The following ATXN7L1 variants were observed in gnomAD, a reference collection of about 807,000 sequenced individuals.
The protein encoded by ATXN7L1 is ataxin-7-like protein 1.
A neutral mutation model predicts 70.8 loss-of-function variants in ATXN7L1; 15 were observed. The ratio of observed to expected loss-of-function variants is 0.21; its 90% CI spans 0.14 to 0.33. The LOEUF (loss-of-function observed/expected upper bound fraction) is 0.33. Among genes scored for constraint, ATXN7L1 ranks in the 10% least tolerant of loss-of-function variants. ATXN7L1 has a pLI of 1.00. For missense variants in ATXN7L1, 975 were observed against 1,097.1 expected, an observed-to-expected ratio of 0.89 and a Z score of 1.57; for synonymous variants, 440 against 445.1, an observed-to-expected ratio of 0.99 and a Z score of 0.14.
intron 3 of ATXN7L1, among the ~76,000 whole-genome samples, chr7:105,787,648 A>C (rs1804503842): frequency 6.6e-6 from 1 of 152,208 alleles, no homozygotes; most frequent in Non-Finnish European, 1.5e-5. Flanking sequence ...AGGTGGGGAA[A>C]AGTCAGAAAT....
intron 3 of ATXN7L1, among the ~76,000 whole-genome samples, chr7:105,743,126 T>A (rs530328192): frequency 6.6e-6 from 1 of 152,316 alleles, no homozygotes; most frequent in African/African-American, 2.4e-5. Context: ...GCTTCTGTAA[T>A]TGATTTATAT....
Position 105,606,350 on chromosome 7 carries a change from A to G in ATXN7L1, c.*1502T>C, listed in dbSNP as rs1792765390. 1 of 152,164 alleles carries G rather than the reference A, an allele frequency of 6.6e-6. No homozygotes were observed. Among genetic ancestry groups the G allele is most frequent in the South Asian group, 2.1e-4 (1 of 4,832 alleles). The allele number at this position is 152,164 out of a possible 1,614,324, so 9.4% of individuals were successfully genotyped here. On this transcript the variant is annotated 3_prime_UTR_variant, in exon 12 of 12. Coordinates refer to ENST00000419735, the MANE Select transcript of ATXN7L1 (RefSeq NM_020725.2). ...CAATTGTGTGGTGAAACTTAACAGT[A>G]GTCTGATCTTTGGGTTGGGGGAACG...
rs1236385109 is a variant in ATXN7L1 at position 105,796,737 on chromosome 7, CA to C, written c.251-8030del. ...ATTTATTAATTTTTCTTTTTGCTATCAGAGTTTTCAGTTGCATTTTAATCAC... is the reference window on the plus strand; with the variant it reads ...ATTTATTAATTTTTCTTTTTGCTATCGAGTTTTCAGTTGCATTTTAATCAC... On this transcript the variant is annotated intron_variant, in intron 2 of 11. Transcript: ENST00000419735. 6.6e-5 allele frequency among the ~76,000 whole-genome samples: 10 copies of C among 152,280 alleles called. No individual in the cohort carries two copies. The Middle Eastern group carries it at 0.014, about 207-fold the overall frequency.
rs1804516477 is a variant in ATXN7L1 at position 105,787,712 on chromosome 7, T to C, written c.355+892A>G. ...TAATTTGCAAAAGCATATTCAATAT[T>C]ATAATTGCTTTGACTTTTTTTAGGC... On this transcript the variant is annotated intron_variant, in intron 3 of 11. Coordinates refer to ENST00000419735, the MANE Select transcript of ATXN7L1 (RefSeq NM_020725.2). 4.6e-5 allele frequency among the ~76,000 whole-genome samples: 7 copies of C among 152,332 alleles called. 1 individual carries two copies. In the South Asian group the frequency reaches 1.4e-3, roughly 32 times the overall value.
chr7:105,664,817 T>C (rs921265682), intron 4 of ATXN7L1, among the ~76,000 whole-genome samples: 9 of 152,064 alleles, frequency 5.9e-5, no homozygotes, highest in Admixed American at 2.0e-4. Flanking sequence ...TCTACCCACC[T>C]CAGCCTCCCA....
At chr7:105,647,312 C>T (rs1799190430) in intron 4 of ATXN7L1, among the ~76,000 whole-genome samples, 1 of 152,168 alleles carries the variant, frequency 6.6e-6, no homozygotes, top group African/African-American at 2.4e-5. Flanking sequence ...GATATGATGC[C>T]TGGGATAGAA....
intron 5 of ATXN7L1, among the ~76,000 whole-genome samples, chr7:105,640,976 ACTGT>A (rs1258842312): frequency 1.3e-5 from 2 of 152,210 alleles, no homozygotes; most frequent in African/African-American, 2.4e-5. Context: ...TAGCTGGAAA[ACTGT>A]CTGAAATTGG....
intron 3 of ATXN7L1, among the ~76,000 whole-genome samples, chr7:105,778,529 A>AACAAAAAAAAAAAAAAAAAAAAAAAAAAC (rs1554460026): frequency 7.0e-6 from 1 of 141,916 alleles, no homozygotes; most frequent in Non-Finnish European, 1.5e-5. Context: ...AAAAAAAAAA[A>AACAAAAAAAAAAAAAAAAAAAAAAAAAAC]AAAAAACAAA....
intron 9 of ATXN7L1, among the ~76,000 whole-genome samples, chr7:105,618,462 C>A (rs919938407): frequency 2.6e-5 from 4 of 152,132 alleles, no homozygotes; most frequent in African/African-American, 9.7e-5. Flanking sequence ...ACTAAGTCTG[C>A]CATGAGAGCT....
chr7:105,727,041 C>G (rs944759557), intron 3 of ATXN7L1, among the ~76,000 whole-genome samples: 1 of 152,208 alleles, frequency 6.6e-6, no homozygotes, highest in African/African-American at 2.4e-5. Flanking sequence ...AAATTAAAAA[C>G]TAGCAATCTG....
In ATXN7L1 at chr7:105,844,495, C is replaced by T. The variant is rs1030373434; in HGVS notation, c.250+31317G>A. ...GGGCAAAACTACACTATCATCTCAA[C>T]GGACACAGAAAATGCATTTGACAAA... On this transcript the variant is annotated intron_variant, in intron 2 of 11. Transcript: ENST00000419735. Among the ~76,000 whole-genome samples, 6 of 152,150 alleles carry T rather than the reference C, an allele frequency of 3.9e-5. No homozygotes were observed. The South Asian group carries it at 8.3e-4, about 21-fold the overall frequency.
rs147822530 is a variant in ATXN7L1, at chr7:105,632,976, T to G, written c.1202+5377A>C. Reference sequence around the variant, plus strand: ...AGAAGAGTGACTATTGTGTGAACTTTCAGAGTCCCCAGTCTTCAGAGAAAA... The same window carrying G: ...AGAAGAGTGACTATTGTGTGAACTTGCAGAGTCCCCAGTCTTCAGAGAAAA... On this transcript the variant is annotated intron_variant, in intron 7 of 11. Coordinates refer to ENST00000419735, the MANE Select transcript of ATXN7L1 (RefSeq NM_020725.2). Among the ~76,000 whole-genome samples the G allele has an allele frequency of 8.0e-5, 12 of 149,402 alleles. No individual in the cohort carries two copies. The East Asian group carries it at 2.4e-3, about 29-fold the overall frequency.
intron 3 of ATXN7L1, among the ~76,000 whole-genome samples, chr7:105,782,189 T>G (rs1344148978): frequency 6.6e-6 from 1 of 152,110 alleles, no homozygotes; most frequent in Non-Finnish European, 1.5e-5. Flanking sequence ...ACTCAACCAC[T>G]AGGCTCACAC....
chr7:105,610,843 G>T (rs758469286), intron 10 of ATXN7L1, among the ~76,000 whole-genome samples: 2 of 152,182 alleles, frequency 1.3e-5, no homozygotes, highest in Non-Finnish European at 2.9e-5. Flanking sequence ...TCCTCATACT[G>T]CTCCCTAGCT....
intron 3 of ATXN7L1, among the ~76,000 whole-genome samples, chr7:105,687,230 C>T (rs925818919): frequency 2.3e-4 from 35 of 152,078 alleles, no homozygotes; most frequent in African/African-American, 8.2e-4. Flanking sequence ...GAATCTGTAC[C>T]CCATGGAGGT....
intron 2 of ATXN7L1, chr7:105,875,172 A>G (rs951763321): frequency 2.0e-5 from 3 of 152,684 alleles, no homozygotes; most frequent in Non-Finnish European, 4.4e-5. Context: ...CTTCTCTTGC[A>G]TATCTTGGTC....
chr7:105,839,188 G>A (rs1401023439), intron 2 of ATXN7L1, among the ~76,000 whole-genome samples: 2 of 152,056 alleles, frequency 1.3e-5, no homozygotes, highest in Admixed American at 1.3e-4. Context: ...TATGGGCAAT[G>A]GCTCAGCTGA....
At chr7:105,608,248 G>T (rs778861153) in intron 11 of ATXN7L1, among the ~76,000 whole-genome samples, 1 of 152,186 alleles carries the variant, frequency 6.6e-6, no homozygotes, top group Non-Finnish European at 1.5e-5. Context: ...ACCTATAGAT[G>T]ACACTGCAAA....
At chr7:105,664,778 G>C (rs1021419019) in intron 4 of ATXN7L1, among the ~76,000 whole-genome samples, 1 of 151,622 alleles carries the variant, frequency 6.6e-6, no homozygotes, top group Admixed American at 6.6e-5. Flanking sequence ...TGTTGCCCAG[G>C]CTGGTTTCAA....
Sources: allele counts gnomAD v4.1 joint callset (sites outside exome capture counted in the v4.1 genomes callset), GRCh38; gene constraint gnomAD v4.1.1; transcripts MANE v1.5; gene names NCBI Gene and HGNC (gene_info 2026-07-23, HGNC 2026-07-21).